The following AUTS2 variants were observed in gnomAD, a reference collection of about 807,000 sequenced individuals.
AUTS2 encodes the protein autism susceptibility gene 2 protein.
In AUTS2, 17 loss-of-function variants were observed where a neutral mutation model predicts 112.4. That is an observed-to-expected ratio of 0.15 (90% CI 0.10 to 0.23). The LOEUF (loss-of-function observed/expected upper bound fraction) is 0.23. AUTS2 is among the 10% of genes least tolerant of loss of function. The pLI is 1.00. For missense variants in AUTS2, 1,510 were observed against 1,701.6 expected (o/e 0.89, Z 1.98); for synonymous variants, 751 against 702.7 (o/e 1.07, Z -1.09).
intron 4 of AUTS2, among the ~76,000 whole-genome samples, chr7:70,253,774 A>G (rs1295965088): frequency 1.3e-5 from 2 of 151,900 alleles, no homozygotes; most frequent in Non-Finnish European, 2.9e-5. Context: ...TGCCGGCAAT[A>G]CTATTTGAGA....
chr7:70,472,856 G>C (rs1451203061), intron 5 of AUTS2, among the ~76,000 whole-genome samples: 1 of 152,222 alleles, frequency 6.6e-6, no homozygotes, highest in Non-Finnish European at 1.5e-5. Flanking sequence ...AACCACTCCA[G>C]TTGAATACCA....
At chr7:70,623,282 T>C (rs1179311132) in intron 5 of AUTS2, among the ~76,000 whole-genome samples, 4 of 152,228 alleles carry the variant, frequency 2.6e-5, no homozygotes, top group African/African-American at 9.6e-5. Context: ...TCCTGGATTC[T>C]CACCTCTCCT....
chr7:70,689,345 C>G (rs1808629766), intron 5 of AUTS2, among the ~76,000 whole-genome samples: 2 of 152,110 alleles, frequency 1.3e-5, no homozygotes, highest in South Asian at 4.1e-4. Flanking sequence ...GGCACCACTG[C>G]ACTCCAGCCT....
At position 70,134,493 on chromosome 7, in the gene AUTS2, A is replaced by G. The variant is rs771664355; in HGVS notation, c.625-43A>G. 3.1e-6 allele frequency: 5 copies of G among 1,598,876 alleles called. No homozygotes were observed. The South Asian group carries it at 5.5e-5, about 18-fold the overall frequency. ...CTGTGTGGATTGGAACGTGTTAAAA[A>G]CCATTGCTGATTTTCCACTTTTGTC... On this transcript the variant is annotated intron_variant, in intron 3 of 18. Coordinates refer to ENST00000342771, the MANE Select transcript of AUTS2 (RefSeq NM_015570.4).
intron 1 of AUTS2, among the ~76,000 whole-genome samples, chr7:69,637,694 G>C (rs1287764856): frequency 1.4e-5 from 1 of 73,334 alleles, no homozygotes; most frequent in Admixed American, 1.2e-4. Context: ...AAATCAAAGC[G>C]ATAGTAGATG....
At chr7:70,235,770 G>A (rs1156234597) in intron 4 of AUTS2, among the ~76,000 whole-genome samples, 1 of 151,880 alleles carries the variant, frequency 6.6e-6, no homozygotes, top group Admixed American at 6.6e-5. Flanking sequence ...TCCTGCCTCA[G>A]CCCACCATGT....
At chr7:69,928,896 G>A (rs1313265176) in intron 2 of AUTS2, among the ~76,000 whole-genome samples, 1 of 152,206 alleles carries the variant, frequency 6.6e-6, no homozygotes, top group African/African-American at 2.4e-5. Flanking sequence ...CCCCACTGCA[G>A]CGGGTGTCCT....
chr7:70,606,847 C>T (rs1373590169), intron 5 of AUTS2, among the ~76,000 whole-genome samples: 4 of 142,784 alleles, frequency 2.8e-5, no homozygotes, highest in African/African-American at 5.2e-5. Context: ...GGGCGACAAG[C>T]GAGACTCTGT....
chr7:70,194,899 A>T (rs1410739580), intron 4 of AUTS2: 1 of 152,130 alleles, frequency 6.6e-6, no homozygotes, highest in African/African-American at 2.4e-5. Context: ...ATTATATAAG[A>T]GGTGTTATCT....
At chr7:69,945,503 T>C (rs1796774121) in intron 2 of AUTS2, among the ~76,000 whole-genome samples, 1 of 152,254 alleles carries the variant, frequency 6.6e-6, no homozygotes, top group Non-Finnish European at 1.5e-5. Context: ...AGATGTATAA[T>C]GTGATGATTT....
intron 4 of AUTS2, among the ~76,000 whole-genome samples, chr7:70,374,209 G>T (rs184976543): frequency 2.0e-3 from 307 of 152,222 alleles, no homozygotes; most frequent in Non-Finnish European, 3.4e-3. Flanking sequence ...ATTTTGTCTC[G>T]AAAAGAGGGA....
At chr7:70,316,547 G>A (rs569275825) in intron 4 of AUTS2, among the ~76,000 whole-genome samples, 2 of 151,462 alleles carry the variant, frequency 1.3e-5, no homozygotes, top group African/African-American at 2.4e-5. Context: ...GGGATTACCC[G>A]CCACCACATC....
At chr7:70,712,930 A>G (rs1294231883) in intron 6 of AUTS2, among the ~76,000 whole-genome samples, 1 of 152,098 alleles carries the variant, frequency 6.6e-6, no homozygotes, top group African/African-American at 2.4e-5. Context: ...GTTTGTTTGT[A>G]AATATCAACT....
At chr7:70,781,332 G>GC (rs1363712944) in intron 14 of AUTS2, 1 of 242,972 alleles carries the variant, frequency 4.1e-6, no homozygotes, top group Non-Finnish European at 7.4e-6. Context: ...CTGCACTCCA[G>GC]CCTGGAAAGC....
chr7:69,972,671 A>ATGTG (rs769055659), intron 2 of AUTS2, among the ~76,000 whole-genome samples: 123 of 85,328 alleles, frequency 1.4e-3, no homozygotes, highest in Middle Eastern at 7.1e-3. Flanking sequence ...GTGTGCGTGC[A>ATGTG]TGTGTGTGTG....
At chr7:70,004,331 ATATGAATATATATTCATATATATATTATG>A (rs1237503036) in intron 2 of AUTS2, among the ~76,000 whole-genome samples, 78 of 133,456 alleles carry the variant, frequency 5.8e-4, no homozygotes, top group African/African-American at 1.8e-3. Context: ...TATAATATAT[ATATGAATATATATTCATATATATATTATG>A]TATGAATATA....
chr7:69,792,823 G>T lies in AUTS2; in HGVS notation c.310-106463G>T, dbSNP rs958826785. Among the ~76,000 whole-genome samples the T allele has an allele frequency of 2.6e-5, 4 of 152,056 alleles. No individual in the cohort carries two copies. In the East Asian group the frequency reaches 7.7e-4, roughly 29 times the overall value. Reference sequence around the variant, plus strand: ...AACATGCCCTACTCAGAGACATTTCGGTTCATTAGGTAGGGGTGGGAGAGG... The same window carrying T: ...AACATGCCCTACTCAGAGACATTTCTGTTCATTAGGTAGGGGTGGGAGAGG... On this transcript the variant is annotated intron_variant, in intron 1 of 18. Coordinates refer to ENST00000342771, the MANE Select transcript of AUTS2 (RefSeq NM_015570.4).
chr7:70,669,249 A>T (rs1180012167), intron 5 of AUTS2, among the ~76,000 whole-genome samples: 1 of 152,194 alleles, frequency 6.6e-6, no homozygotes, highest in Admixed American at 6.5e-5. Flanking sequence ...GAGGGCGGCA[A>T]CGTGTGGTTT....
intron 5 of AUTS2, among the ~76,000 whole-genome samples, chr7:70,450,145 T>G (rs1796472244): frequency 6.6e-6 from 1 of 152,196 alleles, no homozygotes; most frequent in Non-Finnish European, 1.5e-5. Flanking sequence ...TCATGTTTCA[T>G]TCAACAAATT....
Sources: gnomAD v4.1 joint callset for allele counts (sites outside exome capture counted in the v4.1 genomes callset) on GRCh38, gnomAD v4.1.1 for gene constraint, MANE v1.5 for transcripts, NCBI Gene and HGNC (gene_info 2026-07-23, HGNC 2026-07-21) for gene names.